FRS3: variants seen among roughly 807,000 people sequenced by gnomAD.
FRS3 encodes fibroblast growth factor receptor substrate 3.
A neutral mutation model predicts 41.9 loss-of-function variants in FRS3; 17 were observed. The ratio of observed to expected loss-of-function variants is 0.41; its 90% CI spans 0.28 to 0.61. FRS3 has a LOEUF of 0.61. Among genes scored for constraint, FRS3 ranks in the 20% least tolerant of loss-of-function variants. FRS3 has a pLI of 0.36. For missense variants in FRS3, 619 were observed against 672.1 expected (o/e 0.92, Z 0.87); for synonymous variants, 287 against 274.5 (o/e 1.05, Z -0.45).
intron 5 of FRS3, among the ~76,000 whole-genome samples, chr6:41,772,505 C>T (rs1183936608): frequency 1.3e-5 from 2 of 152,028 alleles, no homozygotes; most frequent in African/African-American, 4.8e-5. Context: ...AGGAAGAAAG[C>T]AAAAAAACTC....
rs143790685 is a variant in FRS3 at position 41,771,190 on chromosome 6, C to A, written c.908G>T (p.Ser303Ile). 1.2e-5 allele frequency: 18 copies of A among 1,558,460 alleles called. No individual in the cohort carries two copies. The African/African-American group carries it at 1.9e-4, about 16-fold the overall frequency. ...GLWRGAGWRLSPEEPGWNGLA... is the reference protein window; with the variant it reads ...GLWRGAGWRLIPEEPGWNGLA... ...GCCATTCCAGCCCGGCTCCTCTGGG[C>A]TCAGTCTCCAGCCAGCCCCTCGCCA... is the stretch of plus-strand genomic sequence containing the variant. Residue 303 changes from serine (S) to isoleucine (I), a missense_variant, in exon 7 of 7, where the codon AGC becomes ATC. Transcript: ENST00000373018.
chr6:41,776,252 A>G (rs996807371), intron 3 of FRS3, among the ~76,000 whole-genome samples: 2 of 152,200 alleles, frequency 1.3e-5, no homozygotes, highest in Non-Finnish European at 2.9e-5. Context: ...GCTAAGCACT[A>G]TTTAATTTAT....
Position 41,775,657 on chromosome 6 carries a change from A to T in FRS3, c.67-52T>A, listed in dbSNP as rs1409583389. Reference sequence around the variant, plus strand: ...ATGAGTGAGTCCAACAAGTGTTTGCATGGGTCCCTGAGCCACTGGGAGACA... The same window carrying T: ...ATGAGTGAGTCCAACAAGTGTTTGCTTGGGTCCCTGAGCCACTGGGAGACA... On this transcript the variant is annotated intron_variant, in intron 3 of 6. Transcript: ENST00000373018. The T allele has an allele frequency of 4.2e-6, 6 of 1,414,934 alleles. No homozygotes were observed. The South Asian group carries it at 5.9e-5, about 14-fold the overall frequency. The allele number at this position is 1,414,934 out of a possible 1,614,324, so 87.6% of individuals were successfully genotyped here. A position where few individuals can be genotyped will look rare whatever the true frequency, so the allele number is the denominator to read the frequency against.
chr6:41,772,619 C>T (rs1410662882), intron 5 of FRS3, among the ~76,000 whole-genome samples, 179 bp downstream of exon 5: 2 of 152,186 alleles, frequency 1.3e-5, no homozygotes, highest in Non-Finnish European at 2.9e-5. Context: ...GTCACCTAGC[C>T]CAGCCCAGGA....
intron 3 of FRS3, 55 bp from the exon 4 acceptor site, chr6:41,775,660 G>A (rs1772396188): frequency 1.5e-6 from 2 of 1,365,678 alleles, no homozygotes; most frequent in Admixed American, 1.8e-5. Context: ...TGTTTGCATG[G>A]GTCCCTGAGC....
At position 41,770,958 on chromosome 6, in the gene FRS3, G is replaced by C; in HGVS notation, c.1140C>G (p.Ile380Met). The C allele has an allele frequency of 1.2e-6, 2 of 1,612,968 alleles. No homozygotes were observed. The highest frequency in any genetic ancestry group is 1.3e-5 in the African/African-American group (1 of 75,068). The change falls in exon 7 of 7, where the codon ATC becomes ATG. Residue 380 changes from isoleucine (I) to methionine (M), a missense_variant. Transcript: ENST00000373018. ...GCACAGGAAAGCTGCCGTGGCTGCG[G>C]ATGGCGGCCCGGGTGCTGGTGGGCT... ...LQKPTSTRAA[I>M]RSHGSFPVPL...
rs1772264751 is a variant in FRS3, at chr6:41,770,752, G to A, written c.1346C>T (p.Ala449Val). 1.9e-6 allele frequency: 3 copies of A among 1,613,730 alleles called. No homozygotes were observed. Among genetic ancestry groups the A allele is most frequent in the Non-Finnish European group, 2.5e-6 (3 of 1,180,000 alleles). The change falls in exon 7 of 7, where the codon GCC becomes GTC. Residue 449 changes from alanine (A) to valine (V), a missense_variant. Coordinates refer to ENST00000373018, the MANE Select transcript of FRS3 (RefSeq NM_006653.5). ...PQAPMPTTHP[A>V]RSSDSYAVID... ...CACGGCGTAGGAGTCTGAGCTTCGG[G>A]CAGGGTGGGTGGTGGGCATGGGGGC...
At chr6:41,776,895 C>T (rs1484629080) in intron 3 of FRS3, 27 bp downstream of exon 3, 1 of 1,590,196 alleles carries the variant, frequency 6.3e-7, no homozygotes, top group East Asian at 2.2e-5. Flanking sequence ...ATGTTGGGAA[C>T]ACAGGAGAGG....
At position 41,778,117 on chromosome 6, in the gene FRS3, C is replaced by T. The variant is rs1275161387; in HGVS notation, c.-108G>A. On this transcript the variant is annotated 5_prime_UTR_variant, in exon 2 of 7. The change abolishes an upstream ATG in the 5' untranslated region. Coordinates refer to ENST00000373018, the MANE Select transcript of FRS3 (RefSeq NM_006653.5). ...ATTCCCCCCGTCCTTGGTGGGCTGT[C>T]ATGGCAAACAGTCTGCAGAGAAGTC... The T allele has an allele frequency of 2.6e-5, 4 of 152,636 alleles. No homozygotes were observed. Among genetic ancestry groups the T allele is most frequent in the Admixed American group, 6.5e-5 (1 of 15,274 alleles). The allele number at this position is 152,636 out of a possible 1,614,324, so 9.5% of individuals were successfully genotyped here.
In FRS3 at chr6:41,771,363, G is replaced by A; in HGVS notation, c.735C>T (p.Gly245=). ...CCATGTGCCGCCGAGCAGGGGTCGG[G>A]CCCAACACAAACTTCACCTGGCCTG... The part of the protein sequence containing the change: ...LQPGQVKFVL[G]PTPARRHMVK... The change falls in exon 7 of 7, where the codon GGC becomes GGT. Residue 245 remains glycine, a synonymous_variant. Transcript: ENST00000373018. The A allele has an allele frequency of 6.2e-7, 1 of 1,613,656 alleles. No homozygotes were observed. Among genetic ancestry groups the A allele is most frequent in the Non-Finnish European group, 8.5e-7 (1 of 1,179,868 alleles).
At position 41,775,556 on chromosome 6, in the gene FRS3, T is replaced by C. The variant is rs909908586; in HGVS notation, c.116A>G (p.Glu39Gly). 2.5e-6 allele frequency: 4 copies of C among 1,613,924 alleles called. No homozygotes were observed. In the African/African-American group the frequency reaches 4.0e-5, roughly 16 times the overall value. The change falls in exon 4 of 7, where the codon GAG (glutamate) becomes GGG (glycine). Residue 39 changes from glutamate to glycine, a missense_variant. This residue lies in a region of FRS3 where 100 missense variants were observed against 138.1 expected (regional missense o/e 0.72). Transcript: ENST00000373018. ...EGVELGSGVMELTQSELVLHL... is the reference protein window; with the variant it reads ...EGVELGSGVMGLTQSELVLHL... ...CAGCACCAGCTCACTCTGCGTCAGC[T>C]CCATCACCCCAGAGCCCAGCTCCAC...
chr6:41,774,543 CA>C (rs1360701667), intron 4 of FRS3, among the ~76,000 whole-genome samples: 1 of 152,214 alleles, frequency 6.6e-6, no homozygotes, highest in Admixed American at 6.5e-5. Flanking sequence ...CTCCTCAATG[CA>C]GCCAGCCTCA....
In FRS3 at chr6:41,775,456, G is replaced by A; in HGVS notation, c.216C>T (p.Phe72=). The A allele has an allele frequency of 6.2e-7, 1 of 1,613,454 alleles. No homozygotes were observed. Among genetic ancestry groups the A allele is most frequent in the Non-Finnish European group, 8.5e-7 (1 of 1,179,986 alleles). The part of the protein sequence containing the change: ...LRRYGYDSNL[F]SFESGRRCQT... ...GACATCGGCGGCCACTCTCAAAGGA[G>A]AAGAGGTTGGAGTCGTAGCCATAGC... The change falls in exon 4 of 7, where the codon TTC becomes TTT. Residue 72 remains phenylalanine, a synonymous_variant. Coordinates refer to ENST00000373018, the MANE Select transcript of FRS3 (RefSeq NM_006653.5).
At chr6:41,777,090 C>T (rs1237875117) in intron 2 of FRS3, 80 bp from the exon 3 acceptor site, 4 of 948,258 alleles carry the variant, frequency 4.2e-6, no homozygotes, top group Non-Finnish European at 6.8e-6. Flanking sequence ...GGCAGAAGCA[C>T]GTCATTGTGA....
rs1772289674 is a variant in FRS3, at chr6:41,771,393, C to T, written c.705G>A (p.Leu235=). The T allele has an allele frequency of 1.2e-6, 2 of 1,613,722 alleles. No individual in the cohort carries two copies. Among genetic ancestry groups the T allele is most frequent in the East Asian group, 2.2e-5 (1 of 44,856 alleles). Residue 235 remains leucine, a synonymous_variant, in exon 7 of 7, where the codon TTG becomes TTA. Coordinates refer to ENST00000373018, the MANE Select transcript of FRS3 (RefSeq NM_006653.5). ...GPDQRDPQVF[L]QPGQVKFVLG... ...ACACAAACTTCACCTGGCCTGGCTG[C>T]AAGAACACCTGTGGGTCCCGTTGGT...
At chr6:41,776,505 G>A (rs868786244) in intron 3 of FRS3, 23 of 157,114 alleles carry the variant, frequency 1.5e-4, no homozygotes, top group Non-Finnish European at 7.0e-5. Context: ...CAGGTGATCC[G>A]CCTGCCTTGG....
Position 41,779,406 on chromosome 6 carries a change from A to G in FRS3, c.-168+410T>C, listed in dbSNP as rs75002779. ...TGGATAGTGCAAGGAGAATGGGGAT[A>G]TGAGGGATCCTAGGAATTTCCGGGC... On this transcript the variant is annotated intron_variant, in intron 1 of 6. Coordinates refer to ENST00000373018, the MANE Select transcript of FRS3 (RefSeq NM_006653.5). Among the ~76,000 whole-genome samples the G allele has an allele frequency of 2.4e-3, 359 of 152,030 alleles. 3 individuals carry two copies. The East Asian group carries it at 0.045, about 19-fold the overall frequency.
chr6:41,777,036 G>T (rs748651660), intron 2 of FRS3, 26 bp from the exon 3 acceptor site: 27 of 1,547,342 alleles, frequency 1.7e-5, no homozygotes, highest in Non-Finnish European at 2.3e-5. Context: ...AGGATATGCA[G>T]GTCACCAACT....
chr6:41,773,017 A>G (rs1455729830), intron 4 of FRS3, 58 bp from the exon 5 acceptor site: 14 of 1,418,898 alleles, frequency 9.9e-6, no homozygotes, highest in Admixed American at 1.7e-5. Context: ...GAGGAGCTCA[A>G]CAGATGCACA....
Sources: allele counts gnomAD v4.1 joint callset (sites outside exome capture counted in the v4.1 genomes callset), GRCh38; gene constraint gnomAD v4.1.1; regional missense constraint gnomAD v4.1.1; transcripts MANE v1.5; gene names NCBI Gene and HGNC (gene_info 2026-07-23, HGNC 2026-07-21).